ITGB3: variants seen among roughly 807,000 people sequenced by gnomAD.
ITGB3 encodes integrin subunit beta 3, also known as integrin beta-3.
A neutral mutation model predicts 85.8 loss-of-function variants in ITGB3; 48 were observed. That is an observed-to-expected ratio of 0.56 (90% CI 0.44 to 0.71). The LOEUF (loss-of-function observed/expected upper bound fraction) is 0.71, where lower values mean the gene tolerates loss of function less well. ITGB3 is among the 30% of genes least tolerant of loss of function. ITGB3 has a pLI of 0.00. For missense variants in ITGB3, 861 were observed against 1,019.1 expected (o/e 0.84, Z 2.11); for synonymous variants, 363 against 395.6 (o/e 0.92, Z 0.98).
At chr17:47,270,066 CTTACTA>C (rs988155262) in intron 1 of ITGB3, among the ~76,000 whole-genome samples, 1 of 152,136 alleles carries the variant, frequency 6.6e-6, no homozygotes, top group Non-Finnish European at 1.5e-5. Flanking sequence ...CTTGTGAGAA[CTTACTA>C]TTAGGAGAAC....
intron 1 of ITGB3, among the ~76,000 whole-genome samples, 177 bp from the exon 2 acceptor site, chr17:47,274,242 C>T (rs569854575): frequency 6.6e-6 from 1 of 152,328 alleles, no homozygotes; most frequent in East Asian, 1.9e-4. Context: ...TTTTCCTCCT[C>T]CTCCTTCTTC....
intron 1 of ITGB3, among the ~76,000 whole-genome samples, chr17:47,254,184 G>T (rs1318048705): frequency 6.6e-6 from 1 of 152,110 alleles, no homozygotes; most frequent in Non-Finnish European, 1.5e-5. Flanking sequence ...CATCAGCCAG[G>T]CTGAGCGCCT....
intron 1 of ITGB3, among the ~76,000 whole-genome samples, chr17:47,257,955 C>A (rs769029995): frequency 1.3e-5 from 2 of 152,134 alleles, no homozygotes; most frequent in African/African-American, 2.4e-5. Context: ...ATTTCCTGAT[C>A]GAAATTTCTC....
At chr17:47,294,645 G>A (rs1956019540) in intron 10 of ITGB3, among the ~76,000 whole-genome samples, 1 of 152,176 alleles carries the variant, frequency 6.6e-6, no homozygotes, top group South Asian at 2.1e-4. Flanking sequence ...TAGACCCTGT[G>A]GTGCCATCAT....
chr17:47,291,341 G>A, intron 9 of ITGB3: 2 of 603,678 alleles, frequency 3.3e-6, no homozygotes, highest in South Asian at 2.0e-5. Context: ...TTACAATTTG[G>A]TTACCTTTGT....
chr17:47,300,334 GGC>G (rs747880536), intron 11 of ITGB3, 142 bp from the exon 12 acceptor site: 1,819 of 490,178 alleles, frequency 3.7e-3, no homozygotes, highest in Admixed American at 9.5e-3. Flanking sequence ...TTGTCTTACA[GGC>G]GCGCGCGCGC....
chr17:47,273,331 T>C (rs1431716904), intron 1 of ITGB3, among the ~76,000 whole-genome samples: 1 of 152,216 alleles, frequency 6.6e-6, no homozygotes, highest in Admixed American at 6.5e-5. Context: ...TCAGGGTAAC[T>C]GGGTCATGGA....
intron 14 of ITGB3, among the ~76,000 whole-genome samples, chr17:47,309,120 T>C (rs1397546860): frequency 6.6e-6 from 1 of 151,426 alleles, no homozygotes; most frequent in Non-Finnish European, 1.5e-5. Flanking sequence ...CCATCATGGC[T>C]CAATGCAGCC....
Position 47,300,386 on chromosome 17 carries a change from A to G in ITGB3, c.1914-92A>G. ...GTGTGTGTTTTAATGGAGGTGGAGC[A>G]GCTTTCTGAATGCATGGAGATCAGA... On this transcript the variant is annotated intron_variant, in intron 11 of 14. Coordinates refer to ENST00000559488, the MANE Select transcript of ITGB3 (RefSeq NM_000212.3). 4.7e-6 allele frequency: 4 copies of G among 848,256 alleles called. No homozygotes were observed. The South Asian group carries it at 5.4e-5, about 12-fold the overall frequency. 52.5% of individuals were successfully genotyped at this position (848,256 alleles called of 1,614,324 possible).
intron 9 of ITGB3, chr17:47,291,335 A>G: frequency 1.7e-6 from 1 of 604,204 alleles, no homozygotes; most frequent in East Asian, 2.7e-5. Flanking sequence ...AAAAACTTAC[A>G]ATTTGGTTAC....
intron 1 of ITGB3, among the ~76,000 whole-genome samples, chr17:47,266,821 A>C (rs951791519): frequency 6.6e-6 from 1 of 152,038 alleles, no homozygotes; most frequent in African/African-American, 2.4e-5. Flanking sequence ...GGCTCAAGCA[A>C]TCCTCCTGCC....
At chr17:47,277,660 C>T (rs1333977485) in intron 2 of ITGB3, among the ~76,000 whole-genome samples, 3 of 152,130 alleles carry the variant, frequency 2.0e-5, no homozygotes, top group Non-Finnish European at 4.4e-5. Context: ...ATAAGTTTGT[C>T]CCAAATATTT....
chr17:47,301,121 C>G (rs1367045977), intron 12 of ITGB3, among the ~76,000 whole-genome samples: 2 of 152,142 alleles, frequency 1.3e-5, no homozygotes, highest in Non-Finnish European at 2.9e-5. Context: ...TGAAATAAGA[C>G]AGACAGAAAT....
In ITGB3 at chr17:47,300,504, A is replaced by G. The variant is rs1306827586; in HGVS notation, c.1940A>G (p.Asp647Gly). 1.2e-6 allele frequency: 2 copies of G among 1,613,992 alleles called. No homozygotes were observed. The highest frequency in any genetic ancestry group is 8.5e-7 in the Non-Finnish European group (1 of 1,179,908). Reference protein sequence around the residue: ...KKECVECKKFDRGALHDENTC... With the variant: ...KKECVECKKFGRGALHDENTC... ...GAATGTGTGGAGTGTAAGAAGTTTG[A>G]CCGGGGAGCCCTACATGACGAAAAT... is the stretch of plus-strand genomic sequence containing the variant. Residue 647 changes from aspartate (D) to glycine (G), a missense_variant, in exon 12 of 15, where the codon GAC becomes GGC. Transcript: ENST00000559488.
chr17:47,308,038 T>G (rs1361297255), intron 14 of ITGB3, among the ~76,000 whole-genome samples: 5 of 151,788 alleles, frequency 3.3e-5, no homozygotes, highest in African/African-American at 1.2e-4. Context: ...TGGTGGTGCA[T>G]GCCTGTAATC....
chr17:47,255,877 A>G (rs2064987714), intron 1 of ITGB3, among the ~76,000 whole-genome samples: 1 of 152,148 alleles, frequency 6.6e-6, no homozygotes, highest in African/African-American at 2.4e-5. Flanking sequence ...AAGAATCTCC[A>G]GCATTCTGCC....
intron 14 of ITGB3, 94 bp downstream of exon 14, chr17:47,307,731 C>A: frequency 1.7e-6 from 2 of 1,203,822 alleles, no homozygotes; most frequent in Non-Finnish European, 1.2e-6. Context: ...TCAGCCAGTA[C>A]CATCGTCTTT....
At chr17:47,264,963 T>A in intron 1 of ITGB3, among the ~76,000 whole-genome samples, 1 of 152,252 alleles carries the variant, frequency 6.6e-6, no homozygotes, top group East Asian at 1.9e-4. Flanking sequence ...CTCACTAAAA[T>A]GTAAGCTTCA....
At chr17:47,255,547 G>A (rs968105014) in intron 1 of ITGB3, among the ~76,000 whole-genome samples, 2 of 151,940 alleles carry the variant, frequency 1.3e-5, no homozygotes, top group East Asian at 3.9e-4. Context: ...TCAGCCTCCC[G>A]AGTAGCTGGG....
Sources: allele counts gnomAD v4.1 joint callset (sites outside exome capture counted in the v4.1 genomes callset), GRCh38; gene constraint gnomAD v4.1.1; transcripts MANE v1.5; gene names NCBI Gene and HGNC (gene_info 2026-07-23, HGNC 2026-07-21).